Variants in RNF220 observed in about 807,000 individuals in gnomAD.
RNF220 encodes ring finger protein 220.
A neutral mutation model predicts 67.1 loss-of-function variants in RNF220; 7 were observed. That is an observed-to-expected ratio of 0.10 (90% CI 0.06 to 0.20). The LOEUF is 0.20. Among genes scored for constraint, RNF220 ranks in the 10% least tolerant of loss-of-function variants. The pLI, the probability that RNF220 is intolerant of heterozygous loss-of-function variation, is 1.00. For missense variants in RNF220, 565 were observed against 740.3 expected (o/e 0.76, Z 2.75); for synonymous variants, 270 against 283.2 (o/e 0.95, Z 0.47).
chr1:44,489,265 G>A (rs1361721639), intron 2 of RNF220, among the ~76,000 whole-genome samples: 1 of 152,172 alleles, frequency 6.6e-6, no homozygotes, highest in Admixed American at 6.5e-5. Flanking sequence ...GGGGCCACGT[G>A]ATATAAAATC....
chr1:44,501,710 G>A (rs982409814), intron 2 of RNF220, among the ~76,000 whole-genome samples: 3 of 152,024 alleles, frequency 2.0e-5, no homozygotes, highest in Non-Finnish European at 2.9e-5. Flanking sequence ...GCACAGCGGC[G>A]GCGGCAGAGC....
At chr1:44,635,492 G>A in intron 6 of RNF220, 53 bp from the exon 7 acceptor site, 1 of 1,597,092 alleles carries the variant, frequency 6.3e-7, no homozygotes, top group Non-Finnish European at 8.6e-7. Flanking sequence ...GACCCTGGGG[G>A]CTGCAGTGAC....
rs917570862 is a variant in RNF220, at chr1:44,651,384, C to T, written c.*609C>T. 1 of 158,728 alleles carries T rather than the reference C, an allele frequency of 6.3e-6. No homozygotes were observed. The highest frequency in any genetic ancestry group is 2.4e-5 in the African/African-American group (1 of 41,584). The allele number at this position is 158,728 out of a possible 1,614,324, so 9.8% of individuals were successfully genotyped here. On this transcript the variant is annotated 3_prime_UTR_variant, in exon 15 of 15. Coordinates refer to ENST00000361799, the MANE Select transcript of RNF220 (RefSeq NM_018150.4). ...CGGTGTTCAGTGGTGTATATTTCTTCTCCCAGACATGGGGCACACGCCCCA... is the reference window on the plus strand; with the variant it reads ...CGGTGTTCAGTGGTGTATATTTCTTTTCCCAGACATGGGGCACACGCCCCA...
rs1024684613 is a variant in RNF220, at chr1:44,405,400, TGCCGCCGCC to T, written c.-236_-228del. ...CTACTGCTGCTGCTGCTGCTGCCGCTGCCGCCGCCGCCGCCGCCGCTGCCTCCGCCGGCT... is the reference window on the plus strand; with the variant it reads ...CTACTGCTGCTGCTGCTGCTGCCGCTGCCGCCGCCGCTGCCTCCGCCGGCT... On this transcript the variant is annotated 5_prime_UTR_variant, in exon 1 of 15. Transcript: ENST00000361799. The T allele has an allele frequency of 1.6e-6, 1 of 626,340 alleles. No individual in the cohort carries two copies. The highest frequency in any genetic ancestry group is 2.9e-6 in the Non-Finnish European group (1 of 346,766). The allele number at this position is 626,340 out of a possible 1,614,324, so 38.8% of individuals were successfully genotyped here.
At chr1:44,589,530 C>A (rs1472205527) in intron 2 of RNF220, among the ~76,000 whole-genome samples, 6 of 147,504 alleles carry the variant, frequency 4.1e-5, no homozygotes, top group Non-Finnish European at 7.5e-5. Context: ...GGGAGAATGG[C>A]GTGAACCCAG....
chr1:44,452,602 A>G (rs532265731), intron 2 of RNF220, among the ~76,000 whole-genome samples: 38 of 152,016 alleles, frequency 2.5e-4, no homozygotes, highest in African/African-American at 8.9e-4. Context: ...GGGGCCAAAA[A>G]CTGTGTATTC....
intron 2 of RNF220, among the ~76,000 whole-genome samples, chr1:44,536,199 A>G (rs1407302036): frequency 1.3e-5 from 2 of 152,158 alleles, no homozygotes; most frequent in Non-Finnish European, 2.9e-5. Context: ...CTCCCAGAAC[A>G]CTGAGTGGGT....
chr1:44,505,769 G>A (rs1658357221), intron 2 of RNF220, among the ~76,000 whole-genome samples: 1 of 152,162 alleles, frequency 6.6e-6, no homozygotes, highest in Non-Finnish European at 1.5e-5. Flanking sequence ...CCCCACGGCA[G>A]GAGAATGCAG....
chr1:44,517,763 A>T (rs1008222186), intron 2 of RNF220, among the ~76,000 whole-genome samples: 6 of 152,220 alleles, frequency 3.9e-5, no homozygotes, highest in Non-Finnish European at 8.8e-5. Context: ...TTTTGTTAAA[A>T]AGGAATATTA....
At chr1:44,562,279 G>T (rs1663629920) in intron 2 of RNF220, among the ~76,000 whole-genome samples, 1 of 152,120 alleles carries the variant, frequency 6.6e-6, no homozygotes, top group Non-Finnish European at 1.5e-5. Flanking sequence ...AGGGGAGAGG[G>T]CACAGAATGC....
At chr1:44,632,951 A>G (rs1299416987) in intron 6 of RNF220, 1 of 155,938 alleles carries the variant, frequency 6.4e-6, no homozygotes, top group African/African-American at 2.4e-5. Context: ...CAGGCCGTGT[A>G]TGCACTACCT....
rs1211069473 is a variant in RNF220 at position 44,550,699 on chromosome 1, C to T, written c.626-63466C>T. ...CTTATCCCAGCCTGAGGTTGAGCTA[C>T]AGGAGCTGTACCAAAGTATAACATA... On this transcript the variant is annotated intron_variant, in intron 2 of 14. Transcript: ENST00000361799. Among the ~76,000 whole-genome samples the T allele has an allele frequency of 2.0e-5, 3 of 152,194 alleles. No homozygotes were observed. The East Asian group carries it at 5.8e-4, about 29-fold the overall frequency.
intron 2 of RNF220, among the ~76,000 whole-genome samples, chr1:44,573,731 G>T (rs1047693708): frequency 6.6e-6 from 1 of 152,200 alleles, no homozygotes; most frequent in Non-Finnish European, 1.5e-5. Context: ...AAAAAACTGA[G>T]CTTACTAGGC....
chr1:44,590,280 C>T (rs374633604), intron 2 of RNF220, among the ~76,000 whole-genome samples: 36 of 152,336 alleles, frequency 2.4e-4, no homozygotes, highest in African/African-American at 8.7e-4. Flanking sequence ...GCAGCCCAAG[C>T]CCTGCTGGGC....
intron 2 of RNF220, among the ~76,000 whole-genome samples, chr1:44,560,413 T>C (rs1192606615): frequency 6.6e-6 from 1 of 151,978 alleles, no homozygotes; most frequent in Admixed American, 6.6e-5. Context: ...CTCCTGGAGG[T>C]AGAGTCGGTG....
rs1445179984 is a variant in RNF220 at position 44,461,920 on chromosome 1, C to CTTTTTTTTT, written c.625+49201_625+49202insTTTTTTTTT. 1.8e-4 allele frequency among the ~76,000 whole-genome samples: 21 copies of CTTTTTTTTT among 118,160 alleles called. 1 individual carries two copies. The highest frequency in any genetic ancestry group is 6.8e-4 in the African/African-American group (20 of 29,212). The allele number at this position is 118,160 out of a possible 152,430, so 77.5% of individuals were successfully genotyped here. A position where few individuals can be genotyped will look rare whatever the true frequency, so the allele number is the denominator to read the frequency against. On this transcript the variant is annotated intron_variant, in intron 2 of 14. Transcript: ENST00000361799. The stretch of plus-strand genomic sequence containing the variant: ...ATCATATTTTTTTCTTTTCTTTTTT[C>CTTTTTTTTT]TTTGTTTTTTTTTTTTTTTTTTTTT...
intron 5 of RNF220, among the ~76,000 whole-genome samples, chr1:44,630,285 C>T (rs1346352990): frequency 6.6e-6 from 1 of 152,218 alleles, no homozygotes; most frequent in African/African-American, 2.4e-5. Context: ...CCCTCTTTAT[C>T]ATTACCTCAC....
Position 44,636,119 on chromosome 1 carries a change from G to C in RNF220, c.1083G>C (p.Gln361His). The C allele has an allele frequency of 6.2e-7, 1 of 1,613,420 alleles. No homozygotes were observed. The highest frequency in any genetic ancestry group is 1.3e-5 in the African/African-American group (1 of 75,038). The change falls in exon 8 of 15, where the codon CAG (glutamine) becomes CAC (histidine). Residue 361 changes from glutamine to histidine, a missense_variant. By Grantham distance (24) the Gln-to-His change is conservative. Coordinates refer to ENST00000361799, the MANE Select transcript of RNF220 (RefSeq NM_018150.4). ...NRFEEYEWCGQKRIRATTLLE... is the reference protein window; with the variant it reads ...NRFEEYEWCGHKRIRATTLLE... ...TTGAGGAGTATGAGTGGTGTGGACAGAAGCGGATACGGGCCACCACTCTCC... is the reference window on the plus strand; with the variant it reads ...TTGAGGAGTATGAGTGGTGTGGACACAAGCGGATACGGGCCACCACTCTCC...
At chr1:44,644,275 TC>T in intron 8 of RNF220, 1 of 169,008 alleles carries the variant, frequency 5.9e-6, no homozygotes, top group East Asian at 1.6e-4. Flanking sequence ...GCCTGTTCTC[TC>T]CTCTGATGGA....
Sources: allele counts gnomAD v4.1 joint callset (sites outside exome capture counted in the v4.1 genomes callset), GRCh38; gene constraint gnomAD v4.1.1; transcripts MANE v1.5; gene names NCBI Gene and HGNC (gene_info 2026-07-23, HGNC 2026-07-21).